Variants in ZC3H12B observed in about 807,000 individuals in gnomAD.
The protein encoded by ZC3H12B is probable ribonuclease ZC3H12B.
In ZC3H12B, 7 loss-of-function variants were observed where a neutral mutation model predicts 43.9. That is an observed-to-expected ratio of 0.16 (90% CI 0.09 to 0.30). The LOEUF (loss-of-function observed/expected upper bound fraction) is 0.30, where lower values mean the gene tolerates loss of function less well. Ranked by LOEUF, ZC3H12B falls within the 10% of genes least tolerant of loss-of-function variation. The pLI is 1.00. For missense variants in ZC3H12B, 475 were observed against 670.2 expected, an observed-to-expected ratio of 0.71 and a Z score of 3.22; for synonymous variants, 222 against 241.7, an observed-to-expected ratio of 0.92 and a Z score of 0.76.
At chrX:65,479,845 C>T (rs1376405714) in intron 3 of ZC3H12B, among the ~76,000 whole-genome samples, 1 of 112,361 alleles carries the variant, frequency 8.9e-6, no homozygotes, top group Non-Finnish European at 1.9e-5. Context: ...TGGGAGCGGG[C>T]CAGAGCATAG....
At chrX:65,093,177 C>T in the ZC3H12B span, among the ~76,000 whole-genome samples, 21 of 111,073 alleles carry the variant, frequency 1.9e-4, no homozygotes, top group Non-Finnish European at 2.5e-4. Flanking sequence ...GCACAGAATC[C>T]GAGTTGAGGC....
the ZC3H12B span, among the ~76,000 whole-genome samples, chrX:65,292,626 G>GT: frequency 0.21 from 21,028 of 102,317 alleles, 5,480 homozygotes; most frequent in African/African-American, 0.7. Context: ...TAAAATAGAA[G>GT]TTTTTTTTTT....
chrX:65,234,210 A>C, the ZC3H12B span, among the ~76,000 whole-genome samples: 1 of 112,288 alleles, frequency 8.9e-6, no homozygotes, highest in Admixed American at 9.5e-5. Context: ...CAGCATATGC[A>C]AATCAATAAG....
At chrX:65,111,322 C>T in the ZC3H12B span, among the ~76,000 whole-genome samples, 2 of 111,176 alleles carry the variant, frequency 1.8e-5, no homozygotes, top group Non-Finnish European at 3.8e-5. Context: ...AGGGAGAAAA[C>T]ATTCAGCTTT....
intron 2 of ZC3H12B, among the ~76,000 whole-genome samples, chrX:65,387,824 A>C (rs1470229396): frequency 8.9e-6 from 1 of 112,379 alleles, no homozygotes; most frequent in Non-Finnish European, 1.9e-5. Context: ...GAGCTCCTGT[A>C]AGGCAGGCCT....
the ZC3H12B span, among the ~76,000 whole-genome samples, chrX:65,091,513 C>A: frequency 1.8e-5 from 2 of 112,194 alleles, no homozygotes; most frequent in Non-Finnish European, 3.8e-5. Flanking sequence ...GCCTATTATT[C>A]TAGCCTGTCA....
At chrX:65,167,465 G>T in the ZC3H12B span, among the ~76,000 whole-genome samples, 1 of 111,808 alleles carries the variant, frequency 8.9e-6, no homozygotes, top group African/African-American at 3.3e-5. Flanking sequence ...GTAGTTTGAA[G>T]TCAGGTAGCG....
intron 3 of ZC3H12B, among the ~76,000 whole-genome samples, chrX:65,414,070 T>A (rs1366315240): frequency 8.9e-6 from 1 of 112,174 alleles, no homozygotes; most frequent in African/African-American, 3.2e-5. Context: ...CTTTTTCAGA[T>A]ATTAATTGCT....
chrX:65,141,377 A>G, the ZC3H12B span, among the ~76,000 whole-genome samples: 1 of 109,824 alleles, frequency 9.1e-6, no homozygotes, highest in African/African-American at 3.3e-5. Flanking sequence ...ATAAATCACA[A>G]TAGCATTTTG....
chrX:65,240,659 C>A, the ZC3H12B span, among the ~76,000 whole-genome samples: 1 of 112,118 alleles, frequency 8.9e-6, no homozygotes, highest in Non-Finnish European at 1.9e-5. Context: ...TGGATTTTTT[C>A]ATTTTTCAGC....
the ZC3H12B span, among the ~76,000 whole-genome samples, chrX:65,151,227 C>T: frequency 8.9e-6 from 1 of 111,752 alleles, no homozygotes; most frequent in East Asian, 2.8e-4. Flanking sequence ...CCTACAAATA[C>T]AATCACAAAC....
At chrX:65,190,987 T>G in the ZC3H12B span, among the ~76,000 whole-genome samples, 2 of 89,455 alleles carry the variant, frequency 2.2e-5, no homozygotes, top group Admixed American at 1.3e-4. Context: ...ATACCTAATT[T>G]ATTGAGAGTT....
the ZC3H12B span, among the ~76,000 whole-genome samples, chrX:65,209,976 C>T: frequency 1.1e-4 from 9 of 81,502 alleles, no homozygotes; most frequent in East Asian, 3.3e-4. Flanking sequence ...TAGAAGAAAA[C>T]CTAGGCATTA....
chrX:65,113,994 T>C, the ZC3H12B span, among the ~76,000 whole-genome samples: 1 of 26,921 alleles, frequency 3.7e-5, no homozygotes, highest in South Asian at 1.3e-3. Flanking sequence ...TGTATATATA[T>C]ATATATATAT....
the ZC3H12B span, among the ~76,000 whole-genome samples, chrX:65,285,040 CAAAG>C: frequency 2.7e-5 from 3 of 109,927 alleles, no homozygotes; most frequent in East Asian, 5.7e-4. Flanking sequence ...GTCAAAGAAA[CAAAG>C]AAACGATTAG....
At chrX:65,040,372 G>GT in the ZC3H12B span, among the ~76,000 whole-genome samples, 974 of 85,498 alleles carry the variant, frequency 0.011, 12 homozygotes, top group East Asian at 0.072. Context: ...ATCATTAACT[G>GT]TTTTTTTTTT....
intron 2 of ZC3H12B, among the ~76,000 whole-genome samples, chrX:65,373,189 A>T (rs766342144): frequency 3.5e-4 from 39 of 112,520 alleles, no homozygotes; most frequent in African/African-American, 1.1e-3. Context: ...AACCACAATG[A>T]GATACCATCT....
chrX:65,182,371 A>G, the ZC3H12B span, among the ~76,000 whole-genome samples: 1 of 111,265 alleles, frequency 9.0e-6, no homozygotes, highest in Non-Finnish European at 1.9e-5. Flanking sequence ...TTACCTATGT[A>G]ACAAACCTGC....
At chrX:65,053,463 T>C in the ZC3H12B span, among the ~76,000 whole-genome samples, 3 of 111,846 alleles carry the variant, frequency 2.7e-5, no homozygotes, top group African/African-American at 9.8e-5. Context: ...CTGCATAGTA[T>C]TCCATGGTGT....
Sources: gnomAD v4.1 joint callset for allele counts (sites outside exome capture counted in the v4.1 genomes callset) on GRCh38, gnomAD v4.1.1 for gene constraint, MANE v1.5 for transcripts, NCBI Gene and HGNC (gene_info 2026-07-23, HGNC 2026-07-21) for gene names.